RUNDC3B: variants seen among roughly 807,000 people sequenced by gnomAD.
RUNDC3B encodes the protein RUN domain containing 3B.
RUNDC3B carries 33 observed loss-of-function variants against 58.4 expected under a neutral mutation model. That is an observed-to-expected ratio of 0.56 (90% CI 0.43 to 0.75). The LOEUF (loss-of-function observed/expected upper bound fraction) is 0.75, where lower values mean the gene tolerates loss of function less well. RUNDC3B is among the 30% of genes least tolerant of loss of function. RUNDC3B has a pLI of 0.00. For synonymous variants in RUNDC3B, 193 were observed against 195.2 expected, an observed-to-expected ratio of 0.99 and a Z score of 0.10; for missense variants, 501 against 535.7, an observed-to-expected ratio of 0.94 and a Z score of 0.64.
chr7:87,788,855 A>C (rs1835374409), intron 8 of RUNDC3B, among the ~76,000 whole-genome samples: 2 of 152,144 alleles, frequency 1.3e-5, no homozygotes, highest in South Asian at 4.1e-4. Context: ...GAAAAACTTC[A>C]GTTTTGAATT....
chr7:87,801,139 C>A (rs1033522546), intron 8 of RUNDC3B, among the ~76,000 whole-genome samples: 2 of 152,052 alleles, frequency 1.3e-5, no homozygotes, highest in African/African-American at 2.4e-5. Flanking sequence ...TTTGGATTTT[C>A]AAATTAGGAA....
intron 4 of RUNDC3B, among the ~76,000 whole-genome samples, chr7:87,725,529 T>C (rs1831173819): frequency 6.6e-6 from 1 of 152,224 alleles, no homozygotes; most frequent in South Asian, 2.1e-4. Context: ...TTTGCTATTG[T>C]GAATAGTGCC....
chr7:87,809,117 T>C (rs1222323031), intron 9 of RUNDC3B, among the ~76,000 whole-genome samples: 2 of 152,208 alleles, frequency 1.3e-5, no homozygotes, highest in Non-Finnish European at 2.9e-5. Flanking sequence ...CAATAATGGC[T>C]GATTTTTACA....
intron 8 of RUNDC3B, among the ~76,000 whole-genome samples, chr7:87,797,020 C>T (rs1835856645): frequency 6.6e-6 from 1 of 152,062 alleles, no homozygotes; most frequent in African/African-American, 2.4e-5. Flanking sequence ...TTGTTTTCTA[C>T]ATAATTTATG....
intron 6 of RUNDC3B, among the ~76,000 whole-genome samples, chr7:87,745,605 T>C (rs2130820652): frequency 6.6e-6 from 1 of 152,336 alleles, no homozygotes; most frequent in African/African-American, 2.4e-5. Flanking sequence ...TGCATAAAGG[T>C]GTTCATAGTA....
At chr7:87,704,762 T>A (rs1829437305) in intron 3 of RUNDC3B, among the ~76,000 whole-genome samples, 1 of 152,240 alleles carries the variant, frequency 6.6e-6, no homozygotes, top group African/African-American at 2.4e-5. Flanking sequence ...GTTGCCTAGT[T>A]ATGCTGGGAA....
At chr7:87,686,486 T>C (rs994132334) in intron 2 of RUNDC3B, among the ~76,000 whole-genome samples, 1 of 152,134 alleles carries the variant, frequency 6.6e-6, no homozygotes, top group Non-Finnish European at 1.5e-5. Context: ...ATCTGTGACT[T>C]TGATTATTTA....
chr7:87,691,301 A>C (rs1028202276), intron 2 of RUNDC3B, among the ~76,000 whole-genome samples: 8 of 152,174 alleles, frequency 5.3e-5, no homozygotes, highest in African/African-American at 1.9e-4. Context: ...TATTCAGTAT[A>C]GAAGCATTCT....
chr7:87,700,879 A>C (rs1169288916), intron 3 of RUNDC3B, among the ~76,000 whole-genome samples: 1 of 152,242 alleles, frequency 6.6e-6, no homozygotes, highest in African/African-American at 2.4e-5. Context: ...ATGGTGGATA[A>C]AACTGTTGGA....
chr7:87,773,658 C>CTTGTCTTGTTTTGTT (rs376726869), intron 7 of RUNDC3B, among the ~76,000 whole-genome samples: 3 of 147,170 alleles, frequency 2.0e-5, no homozygotes, highest in Admixed American at 6.8e-5. Context: ...TTTGTCTTGT[C>CTTGTCTTGTTTTGTT]TTGTTTTGTT....
chr7:87,770,712 G>C lies in RUNDC3B; in HGVS notation c.761G>C (p.Arg254Thr). 6.2e-7 allele frequency: 1 copy of C among 1,613,474 alleles called. No homozygotes were observed. The highest frequency in any genetic ancestry group is 8.5e-7 in the Non-Finnish European group (1 of 1,179,572). ...AACAGTTGGTTCAACAAGTGTAAGA[G>C]AGTTAAACAAAAGTATCAGCTTACC... ...DENSWFNKCKRVKQKYQLTLE... is the reference protein window; with the variant it reads ...DENSWFNKCKTVKQKYQLTLE... Residue 254 changes from arginine to threonine, a missense_variant, in exon 7 of 11, where the codon AGA (arginine) becomes ACA (threonine). Coordinates refer to ENST00000394654, the MANE Select transcript of RUNDC3B (RefSeq NM_001134405.2).
intron 8 of RUNDC3B, among the ~76,000 whole-genome samples, chr7:87,786,835 G>A (rs58093582): frequency 0.013 from 1,948 of 152,116 alleles, 45 homozygotes; most frequent in African/African-American, 0.044. Flanking sequence ...TGATTCTGTC[G>A]TATTTCTGGA....
Position 87,661,244 on chromosome 7 carries a change from A to AT in RUNDC3B, c.238+10314dup, listed in dbSNP as rs969845595. Among the ~76,000 whole-genome samples, 5 of 151,842 alleles carry AT rather than the reference A, an allele frequency of 3.3e-5. No homozygotes were observed. The East Asian group carries it at 9.6e-4, about 29-fold the overall frequency. On this transcript the variant is annotated intron_variant, in intron 2 of 10. Transcript: ENST00000394654. The stretch of plus-strand genomic sequence containing the variant: ...AAGGTATCCATCACTTCAAGCATTC[A>AT]TTTTTTTGCATTACAAACAATTCAA...
intron 1 of RUNDC3B, among the ~76,000 whole-genome samples, chr7:87,634,494 T>TGG (rs58092989): frequency 1.1e-3 from 77 of 73,256 alleles, no homozygotes; most frequent in African/African-American, 1.2e-3. Context: ...TGGTGGGGGG[T>TGG]GGGGGGGGGG....
At chr7:87,820,818 G>T (rs1837378212) in intron 10 of RUNDC3B, among the ~76,000 whole-genome samples, 1 of 151,384 alleles carries the variant, frequency 6.6e-6, no homozygotes, top group South Asian at 2.1e-4. Flanking sequence ...TGCAGAAAAG[G>T]CCTTTGACAA....
intron 8 of RUNDC3B, among the ~76,000 whole-genome samples, chr7:87,804,041 A>T (rs1364783336): frequency 6.6e-6 from 1 of 152,168 alleles, no homozygotes; most frequent in Non-Finnish European, 1.5e-5. Context: ...GATCCATAAA[A>T]CATTAAAATA....
chr7:87,642,009 ATATAT>A (rs1394061191), intron 1 of RUNDC3B, among the ~76,000 whole-genome samples: 1 of 152,060 alleles, frequency 6.6e-6, no homozygotes, highest in Admixed American at 6.6e-5. Context: ...TGATAAGAAA[ATATAT>A]TTAATTTATA....
intron 1 of RUNDC3B, among the ~76,000 whole-genome samples, chr7:87,637,579 A>T (rs2130256242): frequency 6.6e-6 from 1 of 152,238 alleles, no homozygotes; most frequent in South Asian, 2.1e-4. Context: ...ATGTTTAAAT[A>T]TTCTAGAATT....
chr7:87,735,798 C>T (rs947747606), intron 4 of RUNDC3B, among the ~76,000 whole-genome samples: 1 of 152,092 alleles, frequency 6.6e-6, no homozygotes, highest in African/African-American at 2.4e-5. Context: ...TCAACAACCT[C>T]TTTATTTACT....
Sources: gnomAD v4.1 joint callset for allele counts (sites outside exome capture counted in the v4.1 genomes callset) on GRCh38, gnomAD v4.1.1 for gene constraint, MANE v1.5 for transcripts, NCBI Gene and HGNC (gene_info 2026-07-23, HGNC 2026-07-21) for gene names.